INSYN2B: variants seen among roughly 807,000 people sequenced by gnomAD.
INSYN2B encodes the protein inhibitory synaptic factor family member 2B, also known as protein INSYN2B.
Under a neutral mutation model 41.2 loss-of-function variants are expected in INSYN2B, and 16 were observed. That is an observed-to-expected ratio of 0.39 (90% confidence interval 0.26 to 0.59). INSYN2B has a LOEUF of 0.59. Among genes scored for constraint, INSYN2B ranks in the 20% least tolerant of loss-of-function variants. The pLI is 0.57. For synonymous variants in INSYN2B, 245 were observed against 244.4 expected (o/e 1.00, Z -0.02); for missense variants, 608 against 646.4 (o/e 0.94, Z 0.64).
Position 169,883,842 on chromosome 5 carries a change from T to TTAA in INSYN2B, c.56_57insTTA (p.Glu19delinsAspTer). On this transcript the variant is annotated stop_gained and protein_altering_variant, in exon 2 of 4. Coordinates refer to ENST00000377365, the MANE Select transcript of INSYN2B (RefSeq NM_001129891.3). LOFTEE classifies it high-confidence loss of function. ...GAGGTTGTTTCACAAACTCCACTGA[T>TTAA]TCTAGACTGTTACGCTTTAGAAGCA... 6.5e-7 allele frequency: 1 copy of TTAA among 1,543,168 alleles called. No individual in the cohort carries two copies. The highest frequency in any genetic ancestry group is 8.7e-7 in the Non-Finnish European group (1 of 1,142,952).
intron 1 of INSYN2B, among the ~76,000 whole-genome samples, chr5:169,899,775 A>C (rs1773815014): frequency 1.3e-5 from 2 of 152,178 alleles, no homozygotes; most frequent in Non-Finnish European, 2.9e-5. Flanking sequence ...GAATTTCCCC[A>C]ATGTGTTCAC....
chr5:169,911,713 G>T (rs1774609309), intron 1 of INSYN2B, among the ~76,000 whole-genome samples: 1 of 152,200 alleles, frequency 6.6e-6, no homozygotes, highest in Admixed American at 6.5e-5. Context: ...GTGCTACAGA[G>T]ATGGTAAAAA....
At chr5:169,978,630 C>A (rs1171203875) in intron 1 of INSYN2B, among the ~76,000 whole-genome samples, 1 of 152,096 alleles carries the variant, frequency 6.6e-6, no homozygotes, top group African/African-American at 2.4e-5. Context: ...TTCTCTCTCA[C>A]CATCACACAG....
Position 169,884,129 on chromosome 5 carries a change from A to G in INSYN2B, c.-231T>C, listed in dbSNP as rs1284298540. 1 of 385,274 alleles carries G rather than the reference A, an allele frequency of 2.6e-6. No homozygotes were observed. Among genetic ancestry groups the G allele is most frequent in the Non-Finnish European group, 4.6e-6 (1 of 217,146 alleles). The allele number at this position is 385,274 out of a possible 1,614,324, so 23.9% of individuals were successfully genotyped here. ...TGCAGTTAAAATATTAATTCATTGT[A>G]GTCATAATTGCTCCTTGGAAAAACA... On this transcript the variant is annotated 5_prime_UTR_variant, in exon 2 of 4. Transcript: ENST00000377365.
chr5:169,928,999 G>A (rs1178707191), intron 1 of INSYN2B, among the ~76,000 whole-genome samples: 1 of 151,980 alleles, frequency 6.6e-6, no homozygotes, highest in Admixed American at 6.6e-5. Context: ...ATGAGGAGGA[G>A]CTATGTGTTC....
At chr5:169,950,735 A>G (rs954660343) in intron 1 of INSYN2B, among the ~76,000 whole-genome samples, 6 of 152,182 alleles carry the variant, frequency 3.9e-5, no homozygotes, top group Non-Finnish European at 2.9e-5. Context: ...TCACAGCATC[A>G]TTTGATCTCT....
Position 169,924,224 on chromosome 5 carries a change from A to G in INSYN2B, c.-918-39408T>C, listed in dbSNP as rs183192308. ...GGTACTGGGTTGAGTTACACCAGCC[A>G]CACACACTAGCTCTGGCCCTGAGCT... is the stretch of plus-strand genomic sequence containing the variant. On this transcript the variant is annotated intron_variant, in intron 1 of 3. Transcript: ENST00000377365. Among the ~76,000 whole-genome samples, 20 of 152,312 alleles carry G rather than the reference A, an allele frequency of 1.3e-4. No individual in the cohort carries two copies. The East Asian group carries it at 3.9e-3, about 29-fold the overall frequency.
At chr5:169,948,548 A>G (rs1003459076) in intron 1 of INSYN2B, among the ~76,000 whole-genome samples, 19 of 151,862 alleles carry the variant, frequency 1.3e-4, no homozygotes, top group Non-Finnish European at 1.3e-4. Context: ...ATAGATTTTC[A>G]TAGATCTCTC....
chr5:169,927,639 C>T (rs1051155700), intron 1 of INSYN2B, among the ~76,000 whole-genome samples: 7 of 152,212 alleles, frequency 4.6e-5, no homozygotes, highest in African/African-American at 7.2e-5. Flanking sequence ...TTTTTTGAGA[C>T]GGAGTCTCGC....
chr5:169,966,197 G>C (rs898864174), intron 1 of INSYN2B, among the ~76,000 whole-genome samples: 1 of 152,054 alleles, frequency 6.6e-6, no homozygotes, highest in African/African-American at 2.4e-5. Flanking sequence ...GTGCAGTAAG[G>C]ATTTATTGTT....
intron 1 of INSYN2B, among the ~76,000 whole-genome samples, chr5:169,952,247 T>A (rs1438696725): frequency 1.3e-5 from 2 of 152,192 alleles, no homozygotes; most frequent in African/African-American, 4.8e-5. Flanking sequence ...AAGAGACCTG[T>A]TTTTTATTCT....
At chr5:169,931,086 T>G (rs1775728156) in intron 1 of INSYN2B, among the ~76,000 whole-genome samples, 2 of 152,196 alleles carry the variant, frequency 1.3e-5, no homozygotes, top group African/African-American at 4.8e-5. Context: ...TGGCTTTGCT[T>G]GACTGGTTGA....
At chr5:169,953,264 C>T (rs1418095733) in intron 1 of INSYN2B, among the ~76,000 whole-genome samples, 3 of 147,654 alleles carry the variant, frequency 2.0e-5, no homozygotes, top group Non-Finnish European at 4.4e-5. Flanking sequence ...ACCCAGGAGG[C>T]GGAGGTTGCA....
intron 3 of INSYN2B, among the ~76,000 whole-genome samples, chr5:169,880,364 A>C (rs577422349): frequency 6.6e-4 from 101 of 152,378 alleles, no homozygotes; most frequent in African/African-American, 2.1e-3. Flanking sequence ...GGATTCTGCC[A>C]GAGAGAATGA....
intron 3 of INSYN2B, among the ~76,000 whole-genome samples, chr5:169,878,964 G>A (rs1375844507): frequency 1.3e-5 from 2 of 152,172 alleles, no homozygotes; most frequent in East Asian, 3.9e-4. Context: ...GGTGAGATAG[G>A]ATGTATCCAA....
At chr5:169,935,650 T>C (rs1019350432) in intron 1 of INSYN2B, among the ~76,000 whole-genome samples, 28 of 152,218 alleles carry the variant, frequency 1.8e-4, no homozygotes, top group African/African-American at 6.8e-4. Flanking sequence ...GAGGTGGTGA[T>C]GAACGTTGCC....
At chr5:169,865,182 C>T (rs562966304) in intron 3 of INSYN2B, among the ~76,000 whole-genome samples, 37 of 152,200 alleles carry the variant, frequency 2.4e-4, no homozygotes, top group African/African-American at 7.9e-4. Context: ...ACCTCTTTTT[C>T]GTTGTTGTTG....
chr5:169,910,697 A>C (rs1327692172), intron 1 of INSYN2B, among the ~76,000 whole-genome samples: 1 of 152,124 alleles, frequency 6.6e-6, no homozygotes, highest in Non-Finnish European at 1.5e-5. Flanking sequence ...TAGCTACAAG[A>C]CTCAGGGAAA....
intron 1 of INSYN2B, among the ~76,000 whole-genome samples, chr5:169,886,957 C>T (rs1239118830): frequency 1.3e-5 from 2 of 152,164 alleles, no homozygotes; most frequent in Admixed American, 6.5e-5. Flanking sequence ...AATCCTATGA[C>T]ACTCGTAGAG....
Sources: gnomAD v4.1 joint callset for allele counts (sites outside exome capture counted in the v4.1 genomes callset) on GRCh38, gnomAD v4.1.1 for gene constraint, MANE v1.5 for transcripts, NCBI Gene and HGNC (gene_info 2026-07-23, HGNC 2026-07-21) for gene names.